PCSK2: variants seen among roughly 807,000 people sequenced by gnomAD.
PCSK2 encodes the protein neuroendocrine convertase 2.
A neutral mutation model predicts 69.7 loss-of-function variants in PCSK2; 14 were observed. The ratio of observed to expected loss-of-function variants is 0.20; its 90% CI spans 0.13 to 0.31. PCSK2 has a LOEUF of 0.31. Among genes scored for constraint, PCSK2 ranks in the 10% least tolerant of loss-of-function variants. PCSK2 has a pLI of 1.00. For synonymous variants in PCSK2, 307 were observed against 320.7 expected (o/e 0.96, Z 0.46); for missense variants, 544 against 842.5 (o/e 0.65, Z 4.39).
At chr20:17,473,368 G>A (rs546802111) in intron 11 of PCSK2, among the ~76,000 whole-genome samples, 1 of 152,122 alleles carries the variant, frequency 6.6e-6, no homozygotes, top group East Asian at 1.9e-4. Flanking sequence ...TGGGATTACA[G>A]GCGTGAGCCT....
chr20:17,480,760 C>T (rs1225476686), intron 11 of PCSK2, among the ~76,000 whole-genome samples: 2 of 152,184 alleles, frequency 1.3e-5, no homozygotes, highest in South Asian at 2.1e-4. Flanking sequence ...GGCAGCTGAG[C>T]TCAGTCCCAC....
intron 2 of PCSK2, among the ~76,000 whole-genome samples, chr20:17,291,031 T>G (rs888780615): frequency 2.6e-5 from 4 of 152,130 alleles, no homozygotes; most frequent in Non-Finnish European, 4.4e-5. Flanking sequence ...CACCTCTTAA[T>G]ATTGTTACAG....
intron 11 of PCSK2, among the ~76,000 whole-genome samples, 164 bp downstream of exon 11, chr20:17,465,717 G>A (rs2269029): frequency 0.12 from 17,908 of 152,124 alleles, 1,561 homozygotes; most frequent in African/African-American, 0.23. Context: ...CACCCAGGCT[G>A]GAGTGCAGTG....
intron 6 of PCSK2, among the ~76,000 whole-genome samples, chr20:17,422,239 A>G (rs923254691): frequency 3.9e-5 from 6 of 152,234 alleles, no homozygotes; most frequent in African/African-American, 9.6e-5. Flanking sequence ...AGCAAACATT[A>G]TTCTTCATGG....
intron 2 of PCSK2, among the ~76,000 whole-genome samples, chr20:17,293,355 C>A (rs891366872): frequency 2.0e-5 from 3 of 152,172 alleles, no homozygotes; most frequent in Admixed American, 1.3e-4. Flanking sequence ...TTGGCTACAA[C>A]CTCCAGACTA....
intron 2 of PCSK2, among the ~76,000 whole-genome samples, chr20:17,262,893 T>C (rs1236227632): frequency 6.6e-6 from 1 of 152,202 alleles, no homozygotes; most frequent in African/African-American, 2.4e-5. Flanking sequence ...CCCTGAAATG[T>C]ACTGTCTCCT....
intron 6 of PCSK2, among the ~76,000 whole-genome samples, chr20:17,414,078 C>G (rs1431811565): frequency 6.6e-6 from 1 of 152,052 alleles, no homozygotes; most frequent in Non-Finnish European, 1.5e-5. Context: ...CAAGAGAAAG[C>G]AGGAAAGATC....
At chr20:17,328,727 C>T (rs942378624) in intron 2 of PCSK2, among the ~76,000 whole-genome samples, 2 of 152,082 alleles carry the variant, frequency 1.3e-5, no homozygotes, top group Non-Finnish European at 2.9e-5. Flanking sequence ...AAGATGAGGA[C>T]CAGAGGAAAA....
At chr20:17,268,564 G>C (rs2123018579) in intron 2 of PCSK2, among the ~76,000 whole-genome samples, 1 of 152,268 alleles carries the variant, frequency 6.6e-6, no homozygotes, top group Middle Eastern at 3.4e-3. Context: ...GACACACCTG[G>C]TGTGTTCCAG....
chr20:17,282,590 AG>A (rs1247482648), intron 2 of PCSK2, among the ~76,000 whole-genome samples: 1 of 152,152 alleles, frequency 6.6e-6, no homozygotes, highest in Non-Finnish European at 1.5e-5. Context: ...TTATTTCTGT[AG>A]CTCAGGATAA....
intron 5 of PCSK2, among the ~76,000 whole-genome samples, chr20:17,399,412 A>C (rs1182117241): frequency 6.6e-6 from 1 of 152,226 alleles, no homozygotes; most frequent in African/African-American, 2.4e-5. Flanking sequence ...AAACAAATGT[A>C]TTTTAAAGGG....
At chr20:17,438,716 G>A (rs1486469186) in intron 8 of PCSK2, among the ~76,000 whole-genome samples, 1 of 152,150 alleles carries the variant, frequency 6.6e-6, no homozygotes, top group African/African-American at 2.4e-5. Context: ...TTGCCTTGAC[G>A]ATGGAATCTT....
Position 17,453,868 on chromosome 20 carries a change from G to A in PCSK2, c.1012G>A (p.Gly338Ser). ...TISINSAIND[G>S]RTALYDESCS... ...CTCCATCAACTCAGCCATCAACGAC[G>A]GCAGGACTGCCCTGTACGACGAGAG... The change falls in exon 9 of 12, where the codon GGC becomes AGC. Residue 338 changes from glycine (G) to serine (S), a missense_variant. Coordinates refer to ENST00000262545, the MANE Select transcript of PCSK2 (RefSeq NM_002594.5). The surrounding 1 kb of genome is among the most constrained non-coding windows in gnomAD (Gnocchi z 4.0). 2 of 1,614,240 alleles carry A rather than the reference G, an allele frequency of 1.2e-6. No individual in the cohort carries two copies. The highest frequency in any genetic ancestry group is 1.7e-6 in the Non-Finnish European group (2 of 1,180,046).
chr20:17,475,445 A>G (rs775233829), intron 11 of PCSK2, among the ~76,000 whole-genome samples: 16 of 152,066 alleles, frequency 1.1e-4, no homozygotes, highest in Non-Finnish European at 2.1e-4. Context: ...TCCTTCCATC[A>G]TAAGAAGTCA....
At chr20:17,406,275 G>A (rs1379475979) in intron 5 of PCSK2, among the ~76,000 whole-genome samples, 3 of 152,176 alleles carry the variant, frequency 2.0e-5, no homozygotes, top group East Asian at 1.9e-4. Context: ...TAAACAGAAC[G>A]CTTGCAAAAT....
intron 7 of PCSK2, among the ~76,000 whole-genome samples, chr20:17,432,416 C>A (rs1024613586): frequency 6.6e-6 from 1 of 152,178 alleles, no homozygotes; most frequent in African/African-American, 2.4e-5. Context: ...GCTTTAATAA[C>A]CCCAGGAACA....
At chr20:17,447,826 T>TA (rs568902026) in intron 8 of PCSK2, among the ~76,000 whole-genome samples, 1 of 152,076 alleles carries the variant, frequency 6.6e-6, no homozygotes, top group South Asian at 2.1e-4. Context: ...TTTAATCACA[T>TA]AAAAAAAGTC....
intron 2 of PCSK2, among the ~76,000 whole-genome samples, chr20:17,319,482 C>G (rs1213484933): frequency 6.6e-6 from 1 of 152,164 alleles, no homozygotes; most frequent in Non-Finnish European, 1.5e-5. Context: ...CTGTATATCT[C>G]CAACAGAGTA....
At chr20:17,361,708 C>G (rs530673390) in intron 4 of PCSK2, among the ~76,000 whole-genome samples, 1 of 152,234 alleles carries the variant, frequency 6.6e-6, no homozygotes, top group Non-Finnish European at 1.5e-5. Flanking sequence ...CTTGTGTGGG[C>G]TCATTAAATA....
Sources: allele counts gnomAD v4.1 joint callset (sites outside exome capture counted in the v4.1 genomes callset), GRCh38; gene constraint gnomAD v4.1.1; non-coding constraint Gnocchi (gnomAD v3.1); transcripts MANE v1.5; gene names NCBI Gene and HGNC (gene_info 2026-07-23, HGNC 2026-07-21).